The following ATRN variants were observed in gnomAD, a reference collection of about 807,000 sequenced individuals.
The protein encoded by ATRN is attractin-2.
In ATRN, 54 loss-of-function variants were observed where a neutral mutation model predicts 178.7. That is an observed-to-expected ratio of 0.30 (90% CI 0.24 to 0.38). The LOEUF (loss-of-function observed/expected upper bound fraction) is 0.38. Ranked by LOEUF, ATRN falls within the 10% of genes least tolerant of loss-of-function variation. The pLI is 1.00. For synonymous variants in ATRN, 636 were observed against 663.0 expected (o/e 0.96, Z 0.63); for missense variants, 1,443 against 1,815.1 (o/e 0.79, Z 3.73).
intron 1 of ATRN, among the ~76,000 whole-genome samples, chr20:3,498,308 G>A (rs1600034763): frequency 6.6e-6 from 1 of 152,256 alleles, no homozygotes; most frequent in South Asian, 2.1e-4. Flanking sequence ...TAGAAAAAGA[G>A]GGAATCCTCT....
At chr20:3,621,467 T>G (rs2040806723) in intron 24 of ATRN, among the ~76,000 whole-genome samples, 1 of 152,244 alleles carries the variant, frequency 6.6e-6, no homozygotes, top group South Asian at 2.1e-4. Context: ...ATGGGGCAGA[T>G]ACACCTTAGA....
chr20:3,592,380 A>C (rs1209189341), intron 19 of ATRN: 1 of 882,564 alleles, frequency 1.1e-6, no homozygotes, highest in Non-Finnish European at 1.4e-6. Context: ...AGCCTGGGCA[A>C]CAGAGTGAGA....
intron 22 of ATRN, among the ~76,000 whole-genome samples, chr20:3,599,087 A>G (rs753979036): frequency 2.6e-5 from 4 of 152,212 alleles, no homozygotes; most frequent in Admixed American, 1.3e-4. Context: ...ACTAGAAAAG[A>G]TACATTCTCA....
chr20:3,546,096 A>G (rs945549722), intron 4 of ATRN, among the ~76,000 whole-genome samples: 4 of 152,184 alleles, frequency 2.6e-5, no homozygotes, highest in Admixed American at 1.3e-4. Flanking sequence ...CTGGCAGGAA[A>G]AGGTTAGTAG....
rs574323743 is a variant in ATRN at position 3,563,346 on chromosome 20, T to C, written c.1769T>C (p.Phe590Ser). Residue 590 changes from phenylalanine to serine, a missense_variant, in exon 10 of 29, where the codon TTC (phenylalanine) becomes TCC (serine). By Grantham distance (155) the Phe-to-Ser change is radical (BLOSUM62 -2). Coordinates refer to ENST00000262919, the MANE Select transcript of ATRN (RefSeq NM_139321.3). ...SHGAKCFSSD[F>S]MAYDIACDRW... Reference sequence around the variant, plus strand: ...GGCGCCAAATGCTTCTCTTCAGATTTCATGGCCTATGACATTGGTAAGTTT... The same window carrying C: ...GGCGCCAAATGCTTCTCTTCAGATTCCATGGCCTATGACATTGGTAAGTTT... 6.2e-7 allele frequency: 1 copy of C among 1,614,074 alleles called. No homozygotes were observed. Among genetic ancestry groups the C allele is most frequent in the African/African-American group, 1.3e-5 (1 of 75,044 alleles).
intron 17 of ATRN, 34 bp downstream of exon 17, chr20:3,584,117 A>G: frequency 6.2e-7 from 1 of 1,603,082 alleles, no homozygotes; most frequent in Non-Finnish European, 8.5e-7. Flanking sequence ...GCACTTATGC[A>G]TGCCCTCTGT....
At chr20:3,494,309 G>A (rs966840124) in intron 1 of ATRN, among the ~76,000 whole-genome samples, 10 of 152,176 alleles carry the variant, frequency 6.6e-5, no homozygotes, top group African/African-American at 2.4e-4. Flanking sequence ...GAGCAGTAGG[G>A]GTAAGTTGGG....
intron 1 of ATRN, among the ~76,000 whole-genome samples, chr20:3,531,333 T>C (rs1444538701): frequency 1.3e-5 from 2 of 152,226 alleles, no homozygotes; most frequent in Non-Finnish European, 2.9e-5. Context: ...TGGAAAATAA[T>C]TTGACAGCTT....
chr20:3,522,133 C>T (rs898232404), intron 1 of ATRN, among the ~76,000 whole-genome samples: 1 of 151,980 alleles, frequency 6.6e-6, no homozygotes, highest in African/African-American at 2.4e-5. Flanking sequence ...TAGAAAAATT[C>T]CCCCAAACAT....
chr20:3,586,934 G>T (rs1262921021), intron 18 of ATRN, among the ~76,000 whole-genome samples: 1 of 151,612 alleles, frequency 6.6e-6, no homozygotes, highest in Non-Finnish European at 1.5e-5. Context: ...AACTGTTCTA[G>T]TGGATGAGAA....
In ATRN at chr20:3,584,647, C is replaced by T. The variant is rs1459094154; in HGVS notation, c.2951C>T (p.Pro984Leu). 4.4e-6 allele frequency: 7 copies of T among 1,590,432 alleles called. No homozygotes were observed. The Admixed American group carries it at 9.0e-5, about 21-fold the overall frequency. The change falls in exon 18 of 29, where the codon CCT becomes CTT. Residue 984 changes from proline (P) to leucine (L), a missense_variant and splice_region_variant. Transcript: ENST00000262919. ...AATTGCAACTTTTTTTTTTTAATAG[C>T]TGAAAATTGTTCAGGCTACTGTACC... is the stretch of plus-strand genomic sequence containing the variant. ...MEWYTMSTCP[P>L]ENCSGYCTCS...
intron 27 of ATRN, among the ~76,000 whole-genome samples, chr20:3,640,308 C>T (rs1167065949): frequency 1.3e-5 from 2 of 152,076 alleles, no homozygotes; most frequent in Non-Finnish European, 2.9e-5. Flanking sequence ...AAAAAGTACG[C>T]AGAATGCAGC....
intron 24 of ATRN, chr20:3,615,687 C>G (rs56069424): frequency 2.3e-5 from 9 of 399,694 alleles, no homozygotes; most frequent in South Asian, 1.6e-4. Context: ...TTGCGAGTAG[C>G]TGGGACTACA....
chr20:3,590,531 A>G (rs1300773504), intron 18 of ATRN, among the ~76,000 whole-genome samples: 3 of 152,190 alleles, frequency 2.0e-5, no homozygotes, highest in South Asian at 2.1e-4. Context: ...CCCTATATCC[A>G]TTAGGAGTCT....
chr20:3,624,957 G>T (rs1184939662), intron 25 of ATRN, among the ~76,000 whole-genome samples: 2 of 152,166 alleles, frequency 1.3e-5, no homozygotes, highest in African/African-American at 4.8e-5. Flanking sequence ...TGATTCTGGT[G>T]ATTATCCAAA....
chr20:3,565,239 G>A, intron 10 of ATRN, 109 bp from the exon 11 acceptor site: 1 of 765,742 alleles, frequency 1.3e-6, no homozygotes, highest in Non-Finnish European at 2.1e-6. Flanking sequence ...AAATTGAGAG[G>A]CATGTTTTAT....
chr20:3,610,541 C>G (rs2086747219), intron 24 of ATRN, among the ~76,000 whole-genome samples: 1 of 150,526 alleles, frequency 6.6e-6, no homozygotes, highest in Admixed American at 6.6e-5. Context: ...ATTACAGGTG[C>G]ACACCGCCAC....
At chr20:3,554,008 A>T (rs2085826085) in intron 6 of ATRN, among the ~76,000 whole-genome samples, 1 of 152,198 alleles carries the variant, frequency 6.6e-6, no homozygotes, top group African/African-American at 2.4e-5. Context: ...TAGCTCATAG[A>T]AGGTACTCAG....
intron 1 of ATRN, among the ~76,000 whole-genome samples, chr20:3,530,867 C>A (rs2085444792): frequency 6.6e-6 from 1 of 152,014 alleles, no homozygotes; most frequent in Admixed American, 6.6e-5. Context: ...GAGACGAGTC[C>A]TTTGAAACCT....
Sources: allele counts gnomAD v4.1 joint callset (sites outside exome capture counted in the v4.1 genomes callset), GRCh38; gene constraint gnomAD v4.1.1; transcripts MANE v1.5; gene names NCBI Gene and HGNC (gene_info 2026-07-23, HGNC 2026-07-21).